Variants in TEX11 observed in about 807,000 individuals in gnomAD.
TEX11 encodes testis-expressed protein 11.
Under a neutral mutation model 84.4 loss-of-function variants are expected in TEX11, and 7 were observed. The observed-to-expected ratio is 0.08, with a 90% CI of 0.05 to 0.16. The LOEUF (loss-of-function observed/expected upper bound fraction) is 0.16, where lower values mean the gene tolerates loss of function less well. TEX11 is among the 10% of genes least tolerant of loss of function. The pLI, the probability that TEX11 is intolerant of heterozygous loss-of-function variation, is 1.00. For missense variants in TEX11, 551 were observed against 660.5 expected (o/e 0.83, Z 1.82); for synonymous variants, 264 against 222.8 (o/e 1.18, Z -1.64).
At chrX:70,714,348 G>T (rs1331146053) in intron 13 of TEX11, among the ~76,000 whole-genome samples, 1 of 111,141 alleles carries the variant, frequency 9.0e-6, no homozygotes, top group Non-Finnish European at 1.9e-5. Context: ...GGATATCCTT[G>T]TTAACTTTCT....
chrX:70,563,410 T>G (rs188057171), intron 25 of TEX11, among the ~76,000 whole-genome samples: 2 of 111,979 alleles, frequency 1.8e-5, no homozygotes, highest in Admixed American at 1.9e-4. Context: ...AACAAATGCT[T>G]TGGAAACCGT....
chrX:70,804,697 G>A (rs986885818), intron 9 of TEX11, among the ~76,000 whole-genome samples: 6 of 111,025 alleles, frequency 5.4e-5, no homozygotes, highest in African/African-American at 9.8e-5. Flanking sequence ...AAATATAGCC[G>A]CTAAGATATT....
chrX:70,681,088 A>G (rs1327945823), intron 14 of TEX11, among the ~76,000 whole-genome samples: 3 of 112,880 alleles, frequency 2.7e-5, no homozygotes, highest in Admixed American at 1.9e-4. Context: ...ACATTAGCAC[A>G]TTAAGGTAAA....
chrX:70,737,449 AT>A lies in TEX11; in HGVS notation c.843+3251del, dbSNP rs762925894. ...GAAATACTGGAACTTTTCAAACATA[AT>A]GAAAATTATGCTCCTAGACATCCAA... On this transcript the variant is annotated intron_variant, in intron 11 of 29. Transcript: ENST00000374333. Among the ~76,000 whole-genome samples the A allele has an allele frequency of 9.0e-5, 10 of 111,165 alleles. No homozygotes were observed. The East Asian group carries it at 2.8e-3, about 31-fold the overall frequency.
At chrX:70,626,864 C>T (rs2089456346) in intron 18 of TEX11, among the ~76,000 whole-genome samples, 1 of 112,284 alleles carries the variant, frequency 8.9e-6, no homozygotes, top group Non-Finnish European at 1.9e-5. Flanking sequence ...CTTCTCAACT[C>T]CCTAATACCT....
chrX:70,562,541 A>G (rs1215545119), intron 25 of TEX11, among the ~76,000 whole-genome samples: 3 of 112,297 alleles, frequency 2.7e-5, no homozygotes, highest in African/African-American at 9.7e-5. Context: ...GAGTTTTTCA[A>G]AGTTACTTAA....
chrX:70,781,879 C>G (rs1346153796), intron 9 of TEX11, among the ~76,000 whole-genome samples: 1 of 111,684 alleles, frequency 9.0e-6, no homozygotes, highest in African/African-American at 3.3e-5. Flanking sequence ...TGGAACCAAG[C>G]TGGATAACAC....
chrX:70,593,539 T>C (rs1239565364), intron 24 of TEX11, among the ~76,000 whole-genome samples: 1 of 111,951 alleles, frequency 8.9e-6, no homozygotes, highest in Non-Finnish European at 1.9e-5. Context: ...CAGGAACTGA[T>C]TTTGAAAAAG....
At chrX:70,746,060 A>G (rs1033477543) in intron 9 of TEX11, among the ~76,000 whole-genome samples, 1 of 112,005 alleles carries the variant, frequency 8.9e-6, no homozygotes, top group African/African-American at 3.2e-5. Flanking sequence ...GAAAACATTT[A>G]TTCATGAAAA....
intron 9 of TEX11, among the ~76,000 whole-genome samples, chrX:70,752,181 T>C (rs2090831174): frequency 9.0e-6 from 1 of 111,662 alleles, no homozygotes; most frequent in Non-Finnish European, 1.9e-5. Flanking sequence ...TACATAAGAT[T>C]TTGCAAAGCA....
chrX:70,804,694 G>T (rs921393242), intron 9 of TEX11, among the ~76,000 whole-genome samples: 3 of 111,146 alleles, frequency 2.7e-5, no homozygotes, highest in African/African-American at 9.8e-5. Context: ...TACAAATATA[G>T]CCGCTAAGAT....
intron 13 of TEX11, among the ~76,000 whole-genome samples, chrX:70,695,061 G>C (rs1452161222): frequency 8.9e-6 from 1 of 111,829 alleles, no homozygotes; most frequent in Non-Finnish European, 1.9e-5. Flanking sequence ...GAATTTTGCT[G>C]GGGACAAACC....
Position 70,591,746 on chromosome X carries a change from T to C in TEX11, c.2140+5A>G, listed in dbSNP as rs200233066. Reference sequence around the variant, plus strand: ...GTGTTACCAAACTTCCAGTTCCTACTGTACCTGTTTGTTTCAGGAAATTAT... The same window carrying C: ...GTGTTACCAAACTTCCAGTTCCTACCGTACCTGTTTGTTTCAGGAAATTAT... On this transcript the variant is annotated splice_donor_5th_base_variant and intron_variant, in intron 25 of 29. Coordinates refer to ENST00000374333, the MANE Select transcript of TEX11 (RefSeq NM_031276.3). 80 of 1,191,527 alleles carry C rather than the reference T, an allele frequency of 6.7e-5. No individual in the cohort carries two copies. The highest frequency in any genetic ancestry group is 2.3e-4 in the Middle Eastern group (1 of 4,310).
intron 11 of TEX11, among the ~76,000 whole-genome samples, chrX:70,726,101 T>C (rs771181944): frequency 8.9e-6 from 1 of 112,433 alleles, no homozygotes; most frequent in Non-Finnish European, 1.9e-5. Context: ...AAGTTGCCAA[T>C]TTTGATTTAT....
chrX:70,587,433 G>A (rs2088868191), intron 25 of TEX11, among the ~76,000 whole-genome samples: 1 of 112,368 alleles, frequency 8.9e-6, no homozygotes, highest in Non-Finnish European at 1.9e-5. Flanking sequence ...GGCTAAAAGG[G>A]GCCAACATAC....
At chrX:70,716,843 T>C (rs949301130) in intron 13 of TEX11, among the ~76,000 whole-genome samples, 1 of 112,328 alleles carries the variant, frequency 8.9e-6, no homozygotes, top group East Asian at 2.8e-4. Context: ...CAGTTGGAAA[T>C]GCAGAAATCA....
At chrX:70,640,121 T>A (rs1436551283) in intron 17 of TEX11, among the ~76,000 whole-genome samples, 2 of 108,856 alleles carry the variant, frequency 1.8e-5, no homozygotes, top group Non-Finnish European at 3.8e-5. Context: ...ACCTGAAGAA[T>A]GCAGAAGCCT....
At chrX:70,608,190 C>T (rs1346627430) in intron 22 of TEX11, among the ~76,000 whole-genome samples, 1 of 112,292 alleles carries the variant, frequency 8.9e-6, no homozygotes, top group African/African-American at 3.2e-5. Context: ...CTGGCACCCA[C>T]ATTAAGAAAG....
At chrX:70,646,346 C>T (rs777874722) in intron 17 of TEX11, among the ~76,000 whole-genome samples, 38 of 111,940 alleles carry the variant, frequency 3.4e-4, no homozygotes, top group African/African-American at 1.0e-3. Context: ...AAAAGTTCCA[C>T]GACATTGCTA....
Sources: allele counts gnomAD v4.1 joint callset (sites outside exome capture counted in the v4.1 genomes callset), GRCh38; gene constraint gnomAD v4.1.1; transcripts MANE v1.5; gene names NCBI Gene and HGNC (gene_info 2026-07-23, HGNC 2026-07-21).